Variants in IMMP2L observed in about 807,000 individuals in gnomAD.
IMMP2L encodes the protein mitochondrial inner membrane protease subunit 2.
IMMP2L carries 18 observed loss-of-function variants against 19.3 expected under a neutral mutation model. The ratio of observed to expected loss-of-function variants is 0.93; its 90% CI spans 0.64 to 1.38. IMMP2L has a LOEUF of 1.38. IMMP2L is among the 40% of genes most tolerant of loss of function. The pLI is 0.00. For synonymous variants in IMMP2L, 76 were observed against 73.0 expected (o/e 1.04, Z -0.21); for missense variants, 233 against 218.2 (o/e 1.07, Z -0.43).
chr7:110,675,975 A>C (rs2130388708), intron 5 of IMMP2L, among the ~76,000 whole-genome samples: 1 of 152,320 alleles, frequency 6.6e-6, no homozygotes, highest in African/African-American at 2.4e-5. Flanking sequence ...ACATATAAAT[A>C]ACCTCTCCTA....
At chr7:111,057,280 C>T (rs1793601641) in intron 3 of IMMP2L, among the ~76,000 whole-genome samples, 1 of 152,188 alleles carries the variant, frequency 6.6e-6, no homozygotes, top group Non-Finnish European at 1.5e-5. Flanking sequence ...CCATCTGCCT[C>T]CTCCATTCCT....
In IMMP2L at chr7:111,000,123, A is replaced by G. The variant is rs569191265; in HGVS notation, c.240-36558T>C. Among the ~76,000 whole-genome samples the G allele has an allele frequency of 3.3e-5, 5 of 152,274 alleles. No individual in the cohort carries two copies. The South Asian group carries it at 1.0e-3, about 32-fold the overall frequency. On this transcript the variant is annotated intron_variant, in intron 3 of 5. Transcript: ENST00000405709. ...TTGTTTTCCTAGGCACCTGCCAGAT[A>G]ATTCTATTCTGGGAACAGAAATTGG...
At chr7:111,523,287 C>T (rs541652418) in intron 1 of IMMP2L, among the ~76,000 whole-genome samples, 1 of 151,902 alleles carries the variant, frequency 6.6e-6, no homozygotes. Flanking sequence ...ATGCTCTTAC[C>T]ACAAAAATGA....
At chr7:111,065,089 C>T (rs1320050775) in intron 3 of IMMP2L, among the ~76,000 whole-genome samples, 1 of 152,222 alleles carries the variant, frequency 6.6e-6, no homozygotes, top group Non-Finnish European at 1.5e-5. Context: ...ATATCAGCTA[C>T]AACCTCATGA....
At chr7:110,914,836 A>G (rs1405648764) in intron 4 of IMMP2L, among the ~76,000 whole-genome samples, 1 of 152,154 alleles carries the variant, frequency 6.6e-6, no homozygotes, top group African/African-American at 2.4e-5. Flanking sequence ...AAGACCTCCT[A>G]TATGAAAACA....
chr7:110,887,591 C>CA (rs11341899), intron 4 of IMMP2L, among the ~76,000 whole-genome samples: 168 of 141,890 alleles, frequency 1.2e-3, no homozygotes, highest in Admixed American at 4.2e-3. Context: ...CTTTTTATAG[C>CA]AAAAAAAAAA....
At chr7:111,104,899 G>T (rs1179276361) in intron 3 of IMMP2L, among the ~76,000 whole-genome samples, 2 of 151,632 alleles carry the variant, frequency 1.3e-5, no homozygotes, top group African/African-American at 4.8e-5. Flanking sequence ...CAGAGAGAAG[G>T]GGACAGTCTC....
intron 5 of IMMP2L, among the ~76,000 whole-genome samples, chr7:110,742,627 G>A (rs186259172): frequency 6.6e-6 from 1 of 151,958 alleles, no homozygotes; most frequent in African/African-American, 2.4e-5. Flanking sequence ...AATTGGCTGG[G>A]CAGAGTGGTG....
At chr7:111,003,313 T>C (rs543405007) in intron 3 of IMMP2L, among the ~76,000 whole-genome samples, 19 of 152,266 alleles carry the variant, frequency 1.2e-4, no homozygotes, top group Admixed American at 2.6e-4. Flanking sequence ...TCTTATCACA[T>C]AGTATATAAA....
At chr7:111,309,435 T>C (rs1823259740) in intron 3 of IMMP2L, among the ~76,000 whole-genome samples, 1 of 152,078 alleles carries the variant, frequency 6.6e-6, no homozygotes, top group Non-Finnish European at 1.5e-5. Flanking sequence ...CTCAAAATAA[T>C]TTTGCTCCCA....
chr7:111,177,575 G>T (rs968833346), intron 3 of IMMP2L, among the ~76,000 whole-genome samples: 23 of 151,958 alleles, frequency 1.5e-4, no homozygotes, highest in African/African-American at 5.3e-4. Flanking sequence ...TTTAAAAACT[G>T]TATCAACTGG....
At chr7:111,471,102 A>C (rs915522092) in intron 3 of IMMP2L, among the ~76,000 whole-genome samples, 1 of 152,128 alleles carries the variant, frequency 6.6e-6, no homozygotes, top group Non-Finnish European at 1.5e-5. Flanking sequence ...GAATTTTTCC[A>C]AAGAGTTTTT....
intron 4 of IMMP2L, among the ~76,000 whole-genome samples, chr7:110,931,630 A>G (rs1331838964): frequency 6.6e-6 from 1 of 151,970 alleles, no homozygotes; most frequent in African/African-American, 2.4e-5. Context: ...AGTCACCATC[A>G]TTGCTTCCCT....
intron 3 of IMMP2L, among the ~76,000 whole-genome samples, chr7:111,040,096 C>T (rs1244197454): frequency 6.6e-6 from 1 of 152,144 alleles, no homozygotes; most frequent in Non-Finnish European, 1.5e-5. Context: ...AGCCGGGAGG[C>T]AGACAGAGGA....
chr7:111,545,139 ATATT>A (rs1326485876), intron 1 of IMMP2L, among the ~76,000 whole-genome samples: 1 of 152,100 alleles, frequency 6.6e-6, no homozygotes, highest in Non-Finnish European at 1.5e-5. Flanking sequence ...ATATTTTTAA[ATATT>A]AATTTTTTTT....
chr7:110,893,603 G>C (rs1435266872), intron 4 of IMMP2L, among the ~76,000 whole-genome samples: 2 of 151,982 alleles, frequency 1.3e-5, no homozygotes, highest in Non-Finnish European at 2.9e-5. Context: ...AAGATTCAGG[G>C]GGTACATGTG....
At chr7:111,028,139 T>C (rs943435550) in intron 3 of IMMP2L, among the ~76,000 whole-genome samples, 6 of 152,082 alleles carry the variant, frequency 3.9e-5, no homozygotes, top group Non-Finnish European at 7.4e-5. Flanking sequence ...GAAAGAATAA[T>C]AGTATAACAA....
At chr7:110,679,865 A>G (rs887487733) in intron 5 of IMMP2L, among the ~76,000 whole-genome samples, 3 of 152,250 alleles carry the variant, frequency 2.0e-5, no homozygotes, top group African/African-American at 7.2e-5. Flanking sequence ...GACTAGCACC[A>G]TATCTGGTGC....
At chr7:111,184,051 G>A (rs1808002665) in intron 3 of IMMP2L, among the ~76,000 whole-genome samples, 1 of 151,884 alleles carries the variant, frequency 6.6e-6, no homozygotes, top group African/African-American at 2.4e-5. Context: ...GCTCATTTAT[G>A]GAAATAGAAA....
Sources: allele counts gnomAD v4.1 joint callset (sites outside exome capture counted in the v4.1 genomes callset), GRCh38; gene constraint gnomAD v4.1.1; transcripts MANE v1.5; gene names NCBI Gene and HGNC (gene_info 2026-07-23, HGNC 2026-07-21).